The following C12orf42 variants were observed in gnomAD, a reference collection of about 807,000 sequenced individuals.
C12orf42 encodes the protein chromosome 12 open reading frame 42.
In C12orf42, 25 loss-of-function variants were observed where a neutral mutation model predicts 21.6. The ratio of observed to expected loss-of-function variants is 1.16; its 90% CI spans 0.84 to 1.62. The LOEUF is 1.62. Among genes scored for constraint, C12orf42 ranks in the 40% most tolerant of loss-of-function variants. The pLI, the probability that C12orf42 is intolerant of heterozygous loss-of-function variation, is 0.00. For synonymous variants in C12orf42, 174 were observed against 175.0 expected, an observed-to-expected ratio of 0.99 and a Z score of 0.05; for missense variants, 483 against 459.3, an observed-to-expected ratio of 1.05 and a Z score of -0.47.
At chr12:103,370,175 A>G (rs1054468594) in intron 3 of C12orf42, among the ~76,000 whole-genome samples, 2 of 152,162 alleles carry the variant, frequency 1.3e-5, no homozygotes, top group African/African-American at 2.4e-5. Context: ...CAAAACCACA[A>G]TGAAATACCA....
At chr12:103,227,383 G>C in the C12orf42 span, among the ~76,000 whole-genome samples, 2 of 151,696 alleles carry the variant, frequency 1.3e-5, no homozygotes, top group East Asian at 3.9e-4. Context: ...AGGGATTGGG[G>C]TGCAGAGATA....
At position 103,478,364 on chromosome 12, in the gene C12orf42, A is replaced by G. The variant is rs747287679; in HGVS notation, c.63T>C (p.Phe21=). 3 of 1,602,234 alleles carry G rather than the reference A, an allele frequency of 1.9e-6. No homozygotes were observed. The Admixed American group carries it at 5.1e-5, about 27-fold the overall frequency. The change falls in exon 2 of 6, where the codon TTT becomes TTC. Residue 21 remains phenylalanine (F), a synonymous_variant. Coordinates refer to ENST00000548883, the MANE Select transcript of C12orf42 (RefSeq NM_198521.5). ...EEEFLLTIRP[F]ANRMQKSPCY... ...TATGCATTACCTGCATCCTGTTTGC[A>G]AAAGGTCTGATGGTTAGCAAGAATT...
At chr12:103,507,190 T>TAA in the C12orf42 span, among the ~76,000 whole-genome samples, 1,511 of 25,232 alleles carry the variant, frequency 0.06, 238 homozygotes, top group East Asian at 0.23. Context: ...ATATATAATA[T>TAA]ATATATATTT....
At chr12:103,477,925 A>G in intron 2 of C12orf42, 1 of 184,022 alleles carries the variant, frequency 5.4e-6, no homozygotes, top group South Asian at 1.1e-4. Flanking sequence ...TCTTACCATT[A>G]CCAGAGCATT....
At chr12:103,518,839 A>C in the C12orf42 span, among the ~76,000 whole-genome samples, 1,443 of 152,252 alleles carry the variant, frequency 9.5e-3, 14 homozygotes, top group Non-Finnish European at 0.015. Flanking sequence ...GGTTTATTTA[A>C]ATAACGTACT....
chr12:103,253,239 T>A lies in C12orf42; in HGVS notation c.*1366+10087A>T, dbSNP rs138508444. Among the ~76,000 whole-genome samples the A allele has an allele frequency of 5.8e-3, 888 of 152,318 alleles. 8 individuals are homozygous for A. Among genetic ancestry groups the A allele is most frequent in the African/African-American group, 0.02 (850 of 41,570 alleles). ...TAGTACAGTTTGAAGTTAGGTAGCA[T>A]GATGCCTCCAGCTTTGTTCTTTTTG... is the stretch of plus-strand genomic sequence containing the variant. On this transcript the variant is annotated intron_variant and NMD_transcript_variant, in intron 10 of 10. Transcript: ENST00000547347.
the C12orf42 span, among the ~76,000 whole-genome samples, chr12:103,514,150 C>T: frequency 6.6e-6 from 1 of 152,172 alleles, no homozygotes; most frequent in South Asian, 2.1e-4. Flanking sequence ...GGGGAAGCCC[C>T]TTATAAAACC....
the C12orf42 span, among the ~76,000 whole-genome samples, chr12:103,232,087 T>C: frequency 6.6e-6 from 1 of 152,212 alleles, no homozygotes; most frequent in African/African-American, 2.4e-5. Flanking sequence ...ATATGCTCAT[T>C]TGCCACCTAG....
chr12:103,270,317 T>G (rs1270812545), intron 5 of C12orf42: 2 of 124,708 alleles, frequency 1.6e-5, no homozygotes, highest in African/African-American at 6.2e-5. Context: ...TTCTACTAGA[T>G]GGAAGTAGGT....
chr12:103,270,934 A>C (rs181129855), intron 5 of C12orf42, among the ~76,000 whole-genome samples: 1 of 152,260 alleles, frequency 6.6e-6, no homozygotes, highest in East Asian at 1.9e-4. Context: ...GAATGGGATA[A>C]TTTTGACAGT....
the C12orf42 span, among the ~76,000 whole-genome samples, chr12:103,173,254 A>G: frequency 6.6e-6 from 1 of 152,280 alleles, no homozygotes; most frequent in South Asian, 2.1e-4. Flanking sequence ...AATGTTTTTT[A>G]TTGTATAAAT....
At chr12:103,507,483 A>C in the C12orf42 span, among the ~76,000 whole-genome samples, 1 of 144,536 alleles carries the variant, frequency 6.9e-6, no homozygotes, top group African/African-American at 2.6e-5. Context: ...CAGCCCGGGT[A>C]ACATAGTGAT....
chr12:103,166,826 C>G, the C12orf42 span, among the ~76,000 whole-genome samples: 3 of 152,066 alleles, frequency 2.0e-5, no homozygotes, highest in Non-Finnish European at 4.4e-5. Flanking sequence ...AAATTTCATC[C>G]ATCTTTTTTT....
At chr12:103,049,701 G>A in the C12orf42 span, among the ~76,000 whole-genome samples, 1 of 152,034 alleles carries the variant, frequency 6.6e-6, no homozygotes, top group Non-Finnish European at 1.5e-5. Context: ...TTTAGTCACA[G>A]TGCCTCTTTG....
chr12:103,168,593 G>A, the C12orf42 span, among the ~76,000 whole-genome samples: 1 of 152,108 alleles, frequency 6.6e-6, no homozygotes, highest in Non-Finnish European at 1.5e-5. Context: ...TTCATTTATT[G>A]AGTGCTTACT....
chr12:103,068,989 A>G, the C12orf42 span, among the ~76,000 whole-genome samples: 1 of 97,746 alleles, frequency 1.0e-5, no homozygotes, highest in African/African-American at 3.9e-5. Context: ...ATATATATAT[A>G]TAATCCTATT....
the C12orf42 span, among the ~76,000 whole-genome samples, chr12:103,209,015 A>C: frequency 1.3e-5 from 2 of 152,184 alleles, no homozygotes; most frequent in African/African-American, 4.8e-5. Context: ...TTCATCAAAA[A>C]ACTTCCCTTC....
the C12orf42 span, among the ~76,000 whole-genome samples, chr12:103,158,456 G>A: frequency 6.6e-6 from 1 of 152,134 alleles, no homozygotes; most frequent in Non-Finnish European, 1.5e-5. Flanking sequence ...CTTAGGCTGT[G>A]GATGTTTTTG....
At chr12:103,064,130 G>A in the C12orf42 span, among the ~76,000 whole-genome samples, 1 of 152,188 alleles carries the variant, frequency 6.6e-6, no homozygotes, top group East Asian at 1.9e-4. Flanking sequence ...ACTCATCCCA[G>A]CTGGGAGGGT....
Sources: allele counts gnomAD v4.1 joint callset (sites outside exome capture counted in the v4.1 genomes callset), GRCh38; gene constraint gnomAD v4.1.1; transcripts MANE v1.5; gene names NCBI Gene and HGNC (gene_info 2026-07-23, HGNC 2026-07-21).